The following OR51B5 variants were observed in gnomAD, a reference collection of about 807,000 sequenced individuals.
OR51B5 encodes the protein olfactory receptor family 51 subfamily B member 5.
For missense variants in OR51B5, 456 were observed against 374.6 expected (o/e 1.22, Z -1.79); for synonymous variants, 186 against 144.8 (o/e 1.28, Z -2.04).
intron 1 of OR51B5, among the ~76,000 whole-genome samples, chr11:5,437,656 G>A (rs1306888552): frequency 6.6e-6 from 1 of 152,172 alleles, no homozygotes; most frequent in Non-Finnish European, 1.5e-5. Context: ...CTAACTACAA[G>A]GGATTGAGAT....
chr11:5,374,068 T>C (rs1227425285), intron 1 of OR51B5, among the ~76,000 whole-genome samples: 1 of 152,132 alleles, frequency 6.6e-6, no homozygotes, highest in Non-Finnish European at 1.5e-5. Flanking sequence ...GCAGCCTAAC[T>C]GGGAGGCACC....
At chr11:5,359,126 G>A (rs1849240248) in intron 1 of OR51B5, among the ~76,000 whole-genome samples, 1 of 152,096 alleles carries the variant, frequency 6.6e-6, no homozygotes, top group Non-Finnish European at 1.5e-5. Context: ...TCAACATAGT[G>A]TTGGAATTTC....
intron 1 of OR51B5, among the ~76,000 whole-genome samples, chr11:5,471,497 G>A (rs561882835): frequency 2.0e-5 from 3 of 152,022 alleles, no homozygotes; most frequent in Admixed American, 6.6e-5. Context: ...CTACCCAGGC[G>A]TGGTCACACA....
chr11:5,417,207 GA>G (rs1203406663), intron 1 of OR51B5, among the ~76,000 whole-genome samples: 1 of 151,298 alleles, frequency 6.6e-6, no homozygotes, highest in East Asian at 2.0e-4. Flanking sequence ...ATGGTGCTGG[GA>G]AAACTGGCTA....
chr11:5,413,684 T>C (rs569482754), intron 1 of OR51B5, among the ~76,000 whole-genome samples: 1 of 151,914 alleles, frequency 6.6e-6, no homozygotes, highest in Admixed American at 6.6e-5. Flanking sequence ...AGGGTATCAG[T>C]GATGGAAGAT....
chr11:5,379,338 A>G (rs542480689), intron 1 of OR51B5, among the ~76,000 whole-genome samples: 150 of 152,222 alleles, frequency 9.9e-4, no homozygotes, highest in African/African-American at 3.3e-3. Context: ...GAGGGATGGC[A>G]TTAGGAGATA....
chr11:5,347,174 G>A (rs1048804975), upstream of OR51B5, among the ~76,000 whole-genome samples: 2 of 152,268 alleles, frequency 1.3e-5, no homozygotes, highest in Non-Finnish European at 2.9e-5. Context: ...GCAGACTCTG[G>A]TATCACCTCT....
chr11:5,402,749 C>G (rs1049110269), intron 1 of OR51B5: 1 of 471,338 alleles, frequency 2.1e-6, no homozygotes, highest in Non-Finnish European at 4.4e-6. Context: ...TTCTTCACGT[C>G]ATCAGAACAG....
At chr11:5,424,283 G>T (rs1850406899) in intron 1 of OR51B5, among the ~76,000 whole-genome samples, 1 of 152,110 alleles carries the variant, frequency 6.6e-6, no homozygotes, top group Non-Finnish European at 1.5e-5. Flanking sequence ...TAGGCTCGTA[G>T]ACACATAGAA....
At chr11:5,359,724 C>T (rs376613552) in intron 1 of OR51B5, among the ~76,000 whole-genome samples, 33 of 150,604 alleles carry the variant, frequency 2.2e-4, no homozygotes, top group East Asian at 2.1e-3. Flanking sequence ...GGAGGCATCA[C>T]GCTACCTGAC....
At chr11:5,390,561 T>C (rs2133729816) in intron 1 of OR51B5, 2 of 581,244 alleles carry the variant, frequency 3.4e-6, no homozygotes, top group East Asian at 2.8e-5. Context: ...GCTTAGATTT[T>C]AATGGCTCCT....
intron 1 of OR51B5, chr11:5,489,711 C>T: frequency 2.4e-6 from 3 of 1,246,162 alleles, no homozygotes; most frequent in Non-Finnish European, 3.5e-6. Context: ...GGATGGCTGT[C>T]TAGATACATT....
At chr11:5,375,343 T>G (rs529527930) in intron 1 of OR51B5, among the ~76,000 whole-genome samples, 211 of 151,306 alleles carry the variant, frequency 1.4e-3, no homozygotes, top group Middle Eastern at 3.4e-3. Context: ...GCACTAAACA[T>G]GGAAAGGCAC....
At chr11:5,376,418 C>A (rs1392224177) in intron 1 of OR51B5, among the ~76,000 whole-genome samples, 1 of 151,906 alleles carries the variant, frequency 6.6e-6, no homozygotes, top group Non-Finnish European at 1.5e-5. Flanking sequence ...TAAGCAAGAG[C>A]AAACACATTC....
chr11:5,376,161 C>T (rs1276252487), intron 1 of OR51B5, among the ~76,000 whole-genome samples: 1 of 151,946 alleles, frequency 6.6e-6, no homozygotes, highest in African/African-American at 2.4e-5. Flanking sequence ...AAGAAACTCA[C>T]TCAAAACCAC....
chr11:5,478,279 A>T (rs1006518539), intron 1 of OR51B5, among the ~76,000 whole-genome samples: 3 of 152,004 alleles, frequency 2.0e-5, no homozygotes, highest in African/African-American at 7.2e-5. Flanking sequence ...AGGGTATTCC[A>T]ACAGACTTGC....
At chr11:5,351,077 G>T (rs1351894150) in intron 1 of OR51B5, among the ~76,000 whole-genome samples, 1 of 152,024 alleles carries the variant, frequency 6.6e-6, no homozygotes. Context: ...ACATAGCCTG[G>T]GAAACCTTTA....
chr11:5,353,195 G>C (rs1849130808), intron 1 of OR51B5, among the ~76,000 whole-genome samples: 1 of 152,092 alleles, frequency 6.6e-6, no homozygotes, highest in Non-Finnish European at 1.5e-5. Context: ...TCAAAATGAT[G>C]AGTCTAGGGA....
intron 1 of OR51B5, among the ~76,000 whole-genome samples, chr11:5,409,064 G>C (rs1850104642): frequency 6.6e-6 from 1 of 152,112 alleles, no homozygotes; most frequent in Admixed American, 6.6e-5. Flanking sequence ...CTTCTAAGCA[G>C]GATGTTGTAG....
Sources: gnomAD v4.1 joint callset for allele counts (sites outside exome capture counted in the v4.1 genomes callset) on GRCh38, gnomAD v4.1.1 for gene constraint, MANE v1.5 for transcripts, NCBI Gene and HGNC (gene_info 2026-07-23, HGNC 2026-07-21) for gene names.